The following KIZ variants were observed in gnomAD, a reference collection of about 807,000 sequenced individuals.
KIZ encodes centrosomal protein kizuna.
KIZ carries 68 observed loss-of-function variants against 79.6 expected under a neutral mutation model. That is an observed-to-expected ratio of 0.85 (90% CI 0.70 to 1.05). KIZ has a LOEUF of 1.05. Among genes scored for constraint, KIZ ranks in the 50% least tolerant of loss-of-function variants. KIZ has a pLI of 0.00. For missense variants in KIZ, 797 were observed against 800.4 expected (o/e 1.00, Z 0.05); for synonymous variants, 280 against 281.8 (o/e 0.99, Z 0.06).
intron 6 of KIZ, among the ~76,000 whole-genome samples, chr20:21,181,164 T>TGAA (rs2034639264): frequency 6.6e-6 from 1 of 152,172 alleles, no homozygotes; most frequent in Admixed American, 6.5e-5. Context: ...TTTCTCCAAC[T>TGAA]GAAGGAGTGG....
intron 8 of KIZ, 147 bp downstream of exon 8, chr20:21,214,847 C>A: frequency 2.1e-6 from 1 of 474,258 alleles, no homozygotes; most frequent in Non-Finnish European, 3.8e-6. Context: ...ATACCACCTT[C>A]CAATAAATAT....
chr20:21,208,478 C>T (rs942081092), intron 7 of KIZ, among the ~76,000 whole-genome samples: 2 of 152,058 alleles, frequency 1.3e-5, no homozygotes, highest in African/African-American at 4.8e-5. Context: ...CCGAGGTGGG[C>T]GGATCACAAG....
intron 4 of KIZ, 141 bp from the exon 5 acceptor site, chr20:21,161,730 A>G (rs2033667756): frequency 3.4e-6 from 2 of 581,506 alleles, no homozygotes; most frequent in East Asian, 2.8e-5. Flanking sequence ...GTAGGAAGCC[A>G]TGAGTTTAAT....
At chr20:21,188,890 G>GGTA (rs1406776509) in intron 6 of KIZ, among the ~76,000 whole-genome samples, 1 of 151,528 alleles carries the variant, frequency 6.6e-6, no homozygotes, top group African/African-American at 2.4e-5. Context: ...GTGTTTTTTT[G>GGTA]GTAGAGACGG....
intron 11 of KIZ, among the ~76,000 whole-genome samples, chr20:21,234,902 T>C (rs2036955567): frequency 6.6e-6 from 1 of 152,140 alleles, no homozygotes; most frequent in South Asian, 2.1e-4. Context: ...AAAAATGCAT[T>C]TATAGCTCTT....
At chr20:21,227,177 T>TC (rs994051533) in intron 9 of KIZ, among the ~76,000 whole-genome samples, 2 of 151,980 alleles carry the variant, frequency 1.3e-5, no homozygotes, top group African/African-American at 4.8e-5. Context: ...GAATGCTTAA[T>TC]CCCCCCCAAA....
At chr20:21,190,144 C>T (rs1287404433) in intron 6 of KIZ, among the ~76,000 whole-genome samples, 2 of 152,198 alleles carry the variant, frequency 1.3e-5, no homozygotes, top group Non-Finnish European at 2.9e-5. Flanking sequence ...AGTTTATTTT[C>T]CCAGGACACT....
chr20:21,149,711 C>CTGGGAA (rs2033021679), intron 4 of KIZ, among the ~76,000 whole-genome samples: 1 of 152,152 alleles, frequency 6.6e-6, no homozygotes, highest in Non-Finnish European at 1.5e-5. Flanking sequence ...GATCTGAGCA[C>CTGGGAA]CATTCATAAG....
intron 6 of KIZ, among the ~76,000 whole-genome samples, chr20:21,173,980 G>A (rs1259544367): frequency 1.3e-5 from 2 of 152,190 alleles, no homozygotes; most frequent in African/African-American, 4.8e-5. Context: ...TTCAGGGTCA[G>A]GAAGATCAGA....
intron 6 of KIZ, among the ~76,000 whole-genome samples, chr20:21,180,476 G>A (rs2034610979): frequency 6.6e-6 from 1 of 152,124 alleles, no homozygotes; most frequent in South Asian, 2.1e-4. Flanking sequence ...AGGCTACTGA[G>A]AGCATAGAGC....
At chr20:21,128,787 GT>G (rs1399090521) in intron 1 of KIZ, among the ~76,000 whole-genome samples, 1 of 152,190 alleles carries the variant, frequency 6.6e-6, no homozygotes, top group Non-Finnish European at 1.5e-5. Flanking sequence ...GCCAGCCGCG[GT>G]TTTTTCAGTG....
intron 6 of KIZ, among the ~76,000 whole-genome samples, chr20:21,186,079 G>T (rs2122974695): frequency 6.6e-6 from 1 of 152,226 alleles, no homozygotes; most frequent in African/African-American, 2.4e-5. Context: ...ATGGACGTAT[G>T]TGTTAATGGT....
At chr20:21,216,703 A>G (rs2036307818) in intron 9 of KIZ, among the ~76,000 whole-genome samples, 1 of 152,198 alleles carries the variant, frequency 6.6e-6, no homozygotes, top group Non-Finnish European at 1.5e-5. Flanking sequence ...ATCCCAAACT[A>G]CAGATAACCA....
chr20:21,163,228 C>A, intron 6 of KIZ, 69 bp downstream of exon 6: 1 of 1,054,574 alleles, frequency 9.5e-7, no homozygotes, highest in Non-Finnish European at 1.4e-6. Context: ...GACCATTCCA[C>A]TGGGAATGTA....
chr20:21,214,616 T>C lies in KIZ; in HGVS notation c.1528T>C (p.Leu510=), dbSNP rs747404991. 10 of 1,612,602 alleles carry C rather than the reference T, an allele frequency of 6.2e-6. No homozygotes were observed. Among genetic ancestry groups the C allele is most frequent in the Non-Finnish European group, 8.5e-6 (10 of 1,178,722 alleles). ...TCACAGTAGTGAATCATCTTGCAGC[T>C]TGCCATCTATTCTGAATGACAATAG... is the stretch of plus-strand genomic sequence containing the variant. ...AIHSSESSCS[L]PSILNDNSGI... Residue 510 remains leucine (L), a synonymous_variant, in exon 8 of 13, where the codon TTG becomes CTG. Coordinates refer to ENST00000619189, the MANE Select transcript of KIZ (RefSeq NM_018474.6).
At chr20:21,152,681 A>T (rs1409213058) in intron 4 of KIZ, among the ~76,000 whole-genome samples, 1 of 152,226 alleles carries the variant, frequency 6.6e-6, no homozygotes, top group East Asian at 1.9e-4. Context: ...ACTTTGACCA[A>T]GACAATTGCT....
At chr20:21,174,454 A>C (rs1319727181) in intron 6 of KIZ, among the ~76,000 whole-genome samples, 1 of 152,208 alleles carries the variant, frequency 6.6e-6, no homozygotes, top group Non-Finnish European at 1.5e-5. Flanking sequence ...GTATCATCAA[A>C]GATAATATTT....
chr20:21,168,595 A>G (rs893632777), intron 6 of KIZ, among the ~76,000 whole-genome samples: 1 of 152,224 alleles, frequency 6.6e-6, no homozygotes, highest in Non-Finnish European at 1.5e-5. Context: ...TAAAGTTCAT[A>G]TAGAACCAAA....
chr20:21,197,995 ATTC>A (rs1490120531), intron 6 of KIZ: 4 of 152,236 alleles, frequency 2.6e-5, no homozygotes, highest in African/African-American at 4.8e-5. Flanking sequence ...TGGGATGGCC[ATTC>A]TTGTTTCCGA....
Sources: allele counts gnomAD v4.1 joint callset (sites outside exome capture counted in the v4.1 genomes callset), GRCh38; gene constraint gnomAD v4.1.1; transcripts MANE v1.5; gene names NCBI Gene and HGNC (gene_info 2026-07-23, HGNC 2026-07-21).